The following CEP128 variants were observed in gnomAD, a reference collection of about 807,000 sequenced individuals.
CEP128 encodes centrosomal protein 128kDa.
Under a neutral mutation model 156.7 loss-of-function variants are expected in CEP128, and 132 were observed. The observed-to-expected ratio is 0.84, with a 90% confidence interval of 0.73 to 0.97. CEP128 has a LOEUF of 0.97. Among genes scored for constraint, CEP128 ranks in the 50% least tolerant of loss-of-function variants. The pLI is 0.00. For missense variants in CEP128, 1,252 were observed against 1,281.9 expected (o/e 0.98, Z 0.36); for synonymous variants, 469 against 448.9 (o/e 1.04, Z -0.57).
intron 19 of CEP128, among the ~76,000 whole-genome samples, chr14:80,643,254 T>C (rs1053835141): frequency 3.3e-5 from 5 of 152,116 alleles, no homozygotes; most frequent in Non-Finnish European, 7.4e-5. Flanking sequence ...TGTGGTTCCT[T>C]AAGTTTCTAA....
chr14:80,827,027 T>A (rs1885519689), intron 13 of CEP128, among the ~76,000 whole-genome samples: 1 of 152,192 alleles, frequency 6.6e-6, no homozygotes, highest in African/African-American at 2.4e-5. Flanking sequence ...TTATGCAAAC[T>A]CAAATGTAGC....
chr14:80,799,902 C>A (rs905656294), intron 13 of CEP128, among the ~76,000 whole-genome samples: 5 of 152,102 alleles, frequency 3.3e-5, no homozygotes, highest in African/African-American at 1.2e-4. Flanking sequence ...TTACCCTTTG[C>A]CCTGTGATCT....
chr14:80,621,651 T>A (rs1325351056), intron 19 of CEP128, among the ~76,000 whole-genome samples: 1 of 152,198 alleles, frequency 6.6e-6, no homozygotes, highest in African/African-American at 2.4e-5. Context: ...TCTAGATTAC[T>A]CTTTGAAAAT....
intron 23 of CEP128, among the ~76,000 whole-genome samples, chr14:80,508,252 C>CT (rs1158723104): frequency 6.6e-6 from 1 of 152,158 alleles, no homozygotes; most frequent in Non-Finnish European, 1.5e-5. Context: ...AGTTACTTGG[C>CT]ATATGATAGT....
At chr14:80,804,406 G>T (rs1033088079) in intron 13 of CEP128, among the ~76,000 whole-genome samples, 1 of 152,006 alleles carries the variant, frequency 6.6e-6, no homozygotes, top group Non-Finnish European at 1.5e-5. Flanking sequence ...CTCTCCAAGG[G>T]AAATGCAGTA....
chr14:80,935,509 C>T (rs953926534), intron 2 of CEP128, among the ~76,000 whole-genome samples: 6 of 151,062 alleles, frequency 4.0e-5, no homozygotes, highest in Admixed American at 4.0e-4. Context: ...CGAGATTGCA[C>T]CACTGCACTC....
chr14:80,713,190 C>T (rs1288256734), intron 19 of CEP128, among the ~76,000 whole-genome samples: 1 of 152,064 alleles, frequency 6.6e-6, no homozygotes, highest in African/African-American at 2.4e-5. Context: ...AATGAAACAC[C>T]ACACTTACTC....
chr14:80,732,555 T>C (rs898549999), intron 19 of CEP128, among the ~76,000 whole-genome samples: 2 of 149,996 alleles, frequency 1.3e-5, no homozygotes, highest in Non-Finnish European at 3.0e-5. Flanking sequence ...TAGAGGTCAA[T>C]TGTGGATGTG....
chr14:80,907,657 CA>C (rs67715110), intron 4 of CEP128, among the ~76,000 whole-genome samples: 5,642 of 64,694 alleles, frequency 0.087, 49 homozygotes, highest in Middle Eastern at 0.1. Context: ...GACTCTGTTT[CA>C]AAAAAAAAAA....
At chr14:80,552,122 T>C (rs899153762) in intron 21 of CEP128, among the ~76,000 whole-genome samples, 5 of 152,062 alleles carry the variant, frequency 3.3e-5, no homozygotes, top group Admixed American at 2.6e-4. Context: ...TAGGAGAAAG[T>C]GTATCTAGAA....
At chr14:80,705,267 C>G (rs12896053) in intron 19 of CEP128, among the ~76,000 whole-genome samples, 16,022 of 151,688 alleles carry the variant, frequency 0.11, 1,386 homozygotes, top group East Asian at 0.43. Flanking sequence ...CTCCCTCTAG[C>G]TCCTTTTATT....
chr14:80,542,552 G>A (rs1463875643), intron 21 of CEP128, among the ~76,000 whole-genome samples: 1 of 152,194 alleles, frequency 6.6e-6, no homozygotes, highest in Non-Finnish European at 1.5e-5. Context: ...TTAAAGAGAG[G>A]AAGATGAGAA....
chr14:80,811,818 T>TTTAGATAGATAGATAGATAGATAGA (rs146742493), intron 13 of CEP128, among the ~76,000 whole-genome samples: 121 of 149,632 alleles, frequency 8.1e-4, no homozygotes, highest in Middle Eastern at 3.4e-3. Flanking sequence ...CACGCATGTA[T>TTTAGATAGATAGATAGATAGATAGA]TAGATAGATA....
intron 19 of CEP128, among the ~76,000 whole-genome samples, chr14:80,688,097 A>G (rs1896588392): frequency 6.6e-6 from 1 of 152,200 alleles, no homozygotes; most frequent in South Asian, 2.1e-4. Context: ...TTTAGAAGAT[A>G]CATCCTTGCT....
chr14:80,558,894 T>C (rs1332838169), intron 21 of CEP128, among the ~76,000 whole-genome samples: 1 of 152,204 alleles, frequency 6.6e-6, no homozygotes, highest in East Asian at 1.9e-4. Context: ...AAACAATGAA[T>C]GTTAAAATCT....
At chr14:80,606,104 T>C (rs1219064431) in intron 19 of CEP128, among the ~76,000 whole-genome samples, 1 of 152,108 alleles carries the variant, frequency 6.6e-6, no homozygotes, top group Non-Finnish European at 1.5e-5. Flanking sequence ...TTCTTTTAAT[T>C]AGTAGCTTTT....
chr14:80,752,753 T>C (rs1022319690), intron 18 of CEP128, among the ~76,000 whole-genome samples: 1 of 152,210 alleles, frequency 6.6e-6, no homozygotes, highest in African/African-American at 2.4e-5. Context: ...TCTAAGCCCT[T>C]CGCAGTAACT....
intron 16 of CEP128, among the ~76,000 whole-genome samples, chr14:80,771,430 G>T (rs1169514382): frequency 6.6e-6 from 1 of 152,102 alleles, no homozygotes; most frequent in African/African-American, 2.4e-5. Context: ...AAATACACTT[G>T]CAAATGTGAA....
intron 8 of CEP128, among the ~76,000 whole-genome samples, chr14:80,874,598 G>T (rs1283204091): frequency 6.6e-6 from 1 of 152,156 alleles, no homozygotes; most frequent in Admixed American, 6.5e-5. Context: ...TAGAAAGCTA[G>T]AAAGAATATT....
Sources: allele counts gnomAD v4.1 joint callset (sites outside exome capture counted in the v4.1 genomes callset), GRCh38; gene constraint gnomAD v4.1.1; transcripts MANE v1.5; gene names NCBI Gene and HGNC (gene_info 2026-07-23, HGNC 2026-07-21).